Variants in CCSER1 observed in about 807,000 individuals in gnomAD.
CCSER1 encodes serine-rich coiled-coil domain-containing protein 1.
Under a neutral mutation model 82.0 loss-of-function variants are expected in CCSER1, and 41 were observed. That is an observed-to-expected ratio of 0.50 (90% confidence interval 0.39 to 0.65). The LOEUF (loss-of-function observed/expected upper bound fraction) is 0.65. CCSER1 is among the 30% of genes least tolerant of loss of function. The pLI, the probability that CCSER1 is intolerant of heterozygous loss-of-function variation, is 0.00. For synonymous variants in CCSER1, 414 were observed against 383.9 expected (o/e 1.08, Z -0.92); for missense variants, 1,119 against 1,064.2 (o/e 1.05, Z -0.72).
At chr4:90,839,047 G>C in intron 8 of CCSER1, 1 of 1,612,056 alleles carries the variant, frequency 6.2e-7, no homozygotes, top group Non-Finnish European at 8.5e-7. Flanking sequence ...TGGTTGCGGA[G>C]GAAAAGCGGA....
intron 6 of CCSER1, among the ~76,000 whole-genome samples, chr4:90,718,319 A>T (rs1210367304): frequency 2.0e-5 from 3 of 152,136 alleles, no homozygotes; most frequent in African/African-American, 7.2e-5. Flanking sequence ...AGAAGATTTC[A>T]GCCCAATTGA....
chr4:91,168,838 C>T (rs1397141244), intron 10 of CCSER1, among the ~76,000 whole-genome samples: 1 of 152,130 alleles, frequency 6.6e-6, no homozygotes. Flanking sequence ...TAGGAGACTC[C>T]ATTTTGTTCT....
intron 9 of CCSER1, among the ~76,000 whole-genome samples, chr4:91,070,583 A>T (rs1721324886): frequency 6.6e-6 from 1 of 152,172 alleles, no homozygotes; most frequent in African/African-American, 2.4e-5. Context: ...ACTGCCTGAC[A>T]TCTGCCTCCT....
intron 10 of CCSER1, among the ~76,000 whole-genome samples, chr4:91,145,823 G>A (rs1210072863): frequency 2.6e-5 from 4 of 152,034 alleles, no homozygotes; most frequent in African/African-American, 9.7e-5. Context: ...GGTGTCAACT[G>A]TTAGCCTAAT....
chr4:91,393,128 A>T (rs1751762866), intron 10 of CCSER1, among the ~76,000 whole-genome samples: 1 of 152,052 alleles, frequency 6.6e-6, no homozygotes, highest in Admixed American at 6.6e-5. Context: ...TAGGACTGAC[A>T]GCCTTTCAGA....
intron 8 of CCSER1, among the ~76,000 whole-genome samples, chr4:90,847,678 A>AG (rs1209894533): frequency 5.9e-5 from 9 of 152,196 alleles, no homozygotes; most frequent in Admixed American, 2.0e-4. Flanking sequence ...AAAAAACAAG[A>AG]GAAAAAAAGG....
chr4:91,502,989 T>G (rs1282816556), intron 10 of CCSER1, among the ~76,000 whole-genome samples: 1 of 151,630 alleles, frequency 6.6e-6, no homozygotes, highest in African/African-American at 2.4e-5. Context: ...ATTAATATGC[T>G]ATTGAATTCC....
chr4:91,361,074 A>G (rs1255211626), intron 10 of CCSER1, among the ~76,000 whole-genome samples: 1 of 148,504 alleles, frequency 6.7e-6, no homozygotes, highest in Non-Finnish European at 1.5e-5. Context: ...AACCAAAGTT[A>G]TCACAGAGGG....
At chr4:90,795,651 TA>T (rs1242908519) in intron 7 of CCSER1, among the ~76,000 whole-genome samples, 1 of 152,204 alleles carries the variant, frequency 6.6e-6, no homozygotes, top group Non-Finnish European at 1.5e-5. Context: ...TGGCTCCTAT[TA>T]TTTTTAGGTA....
chr4:91,167,363 T>A (rs1349992368), intron 10 of CCSER1, among the ~76,000 whole-genome samples: 4 of 151,952 alleles, frequency 2.6e-5, no homozygotes, highest in Non-Finnish European at 5.9e-5. Flanking sequence ...TTTTTGTATT[T>A]TCAGTAGAGA....
chr4:91,546,693 T>A (rs1185459438), intron 10 of CCSER1, among the ~76,000 whole-genome samples: 1 of 152,028 alleles, frequency 6.6e-6, no homozygotes, highest in Admixed American at 6.6e-5. Flanking sequence ...GCTTTTTGTT[T>A]CATTGCTCTC....
rs1279718800 is a variant in CCSER1, at chr4:91,603,796, T to A, written c.*4739T>A. ...CTCAAGTTCTGGAGGCTAGGAAGTCTAAGATTAGGGTGGGGCAGAATAAAT... is the reference window on the plus strand; with the variant it reads ...CTCAAGTTCTGGAGGCTAGGAAGTCAAAGATTAGGGTGGGGCAGAATAAAT... On this transcript the variant is annotated 3_prime_UTR_variant, in exon 11 of 11. Transcript: ENST00000509176. The A allele has an allele frequency of 4.6e-5, 7 of 152,100 alleles. No individual in the cohort carries two copies. The highest frequency in any genetic ancestry group is 9.7e-5 in the African/African-American group (4 of 41,428). 9.4% of individuals were successfully genotyped at this position (152,100 alleles called of 1,614,324 possible).
intron 7 of CCSER1, among the ~76,000 whole-genome samples, chr4:90,799,853 G>A (rs930914846): frequency 1.3e-5 from 2 of 152,176 alleles, no homozygotes; most frequent in African/African-American, 4.8e-5. Flanking sequence ...AGTGTCTGTA[G>A]TGGTCAACGG....
chr4:90,621,477 TC>T (rs1254899787), intron 5 of CCSER1, among the ~76,000 whole-genome samples: 1 of 151,744 alleles, frequency 6.6e-6, no homozygotes, highest in Non-Finnish European at 1.5e-5. Context: ...TTTTTTTTTT[TC>T]ATCTTTATAA....
Position 90,308,301 on chromosome 4 carries a change from C to A in CCSER1, c.17C>A (p.Ser6Ter). The change falls in exon 2 of 11, where the codon TCA becomes TAA. Residue 6 changes from serine to a stop codon, truncating the protein, a stop_gained. Transcript: ENST00000509176. LOFTEE classifies it high-confidence loss of function. Reference sequence around the variant, plus strand: ...TGATTCCCAATGGGGGACTCAGGATCAAGACGATCTACCCTGGTCTCCCGG... The same window carrying A: ...TGATTCCCAATGGGGGACTCAGGATAAAGACGATCTACCCTGGTCTCCCGG... MGDSG[S>*]RRSTLVSRLP... is the part of the protein sequence containing the mutation. 6.3e-7 allele frequency: 1 copy of A among 1,584,462 alleles called. No homozygotes were observed. Among genetic ancestry groups the A allele is most frequent in the Non-Finnish European group, 8.6e-7 (1 of 1,164,996 alleles).
At chr4:91,151,845 G>T (rs1047541555) in intron 10 of CCSER1, among the ~76,000 whole-genome samples, 1 of 152,176 alleles carries the variant, frequency 6.6e-6, no homozygotes, top group East Asian at 1.9e-4. Context: ...GAAACAGTTT[G>T]TTATAATTTC....
chr4:90,866,859 A>C (rs1384939616), intron 8 of CCSER1, among the ~76,000 whole-genome samples: 1 of 151,882 alleles, frequency 6.6e-6, no homozygotes, highest in African/African-American at 2.4e-5. Context: ...CCTGCAACCT[A>C]AATCCCTTGT....
At chr4:91,595,242 A>G (rs1383826315) in intron 10 of CCSER1, among the ~76,000 whole-genome samples, 1 of 152,104 alleles carries the variant, frequency 6.6e-6, no homozygotes, top group African/African-American at 2.4e-5. Flanking sequence ...ATTGCACAGA[A>G]TTTAATTTCT....
chr4:91,197,706 T>A (rs974040974), intron 10 of CCSER1, among the ~76,000 whole-genome samples: 1 of 152,170 alleles, frequency 6.6e-6, no homozygotes, highest in Non-Finnish European at 1.5e-5. Flanking sequence ...ACAAATATAT[T>A]ACATATTCTA....
Sources: gnomAD v4.1 joint callset for allele counts (sites outside exome capture counted in the v4.1 genomes callset) on GRCh38, gnomAD v4.1.1 for gene constraint, MANE v1.5 for transcripts, NCBI Gene and HGNC (gene_info 2026-07-23, HGNC 2026-07-21) for gene names.